The following DGKE variants were observed in gnomAD, a reference collection of about 807,000 sequenced individuals.
The protein encoded by DGKE is DAG kinase epsilon.
Under a neutral mutation model 70.0 loss-of-function variants are expected in DGKE, and 53 were observed. The observed-to-expected ratio is 0.76, with a 90% CI of 0.61 to 0.95. DGKE has a LOEUF of 0.95. Among genes scored for constraint, DGKE ranks in the 40% least tolerant of loss-of-function variants. The pLI, the probability that DGKE is intolerant of heterozygous loss-of-function variation, is 0.00. For missense variants in DGKE, 655 were observed against 706.9 expected, an observed-to-expected ratio of 0.93 and a Z score of 0.83; for synonymous variants, 291 against 257.0, an observed-to-expected ratio of 1.13 and a Z score of -1.27.
Position 56,858,621 on chromosome 17 carries a change from G to A in DGKE, c.1240G>A (p.Asp414Asn), listed in dbSNP as rs1908096467. 2.5e-6 allele frequency: 4 copies of A among 1,607,282 alleles called. No individual in the cohort carries two copies. Among genetic ancestry groups the A allele is most frequent in the Non-Finnish European group, 2.5e-6 (3 of 1,177,556 alleles). ...GGTTTACTTATTCTATGGAACCAAA[G>A]ATTGTTTAGTGCAAGAATGTAAAGA... Reference protein sequence around the residue: ...KAVYLFYGTKDCLVQECKDLN... With the variant: ...KAVYLFYGTKNCLVQECKDLN... The change falls in exon 9 of 12, where the codon GAT becomes AAT. Residue 414 changes from aspartate (D) to asparagine (N), a missense_variant. Coordinates refer to ENST00000284061, the MANE Select transcript of DGKE (RefSeq NM_003647.3).
At chr17:56,858,460 A>G (rs907814434) in intron 8 of DGKE, 134 bp from the exon 9 acceptor site, 3 of 648,402 alleles carry the variant, frequency 4.6e-6, no homozygotes, top group Admixed American at 4.0e-5. Context: ...CCTTCTTTTC[A>G]TCAGCATCTA....
chr17:56,860,640 G>A (rs1401824698), intron 9 of DGKE, among the ~76,000 whole-genome samples: 1 of 152,224 alleles, frequency 6.6e-6, no homozygotes, highest in African/African-American at 2.4e-5. Flanking sequence ...TAACCTAGGA[G>A]CTACAGAGAC....
In DGKE at chr17:56,844,028, G is replaced by T; in HGVS notation, c.474G>T (p.Trp158Cys). 6.5e-7 allele frequency: 1 copy of T among 1,536,162 alleles called. No homozygotes were observed. Among genetic ancestry groups the T allele is most frequent in the South Asian group, 1.3e-5 (1 of 78,180 alleles). The change falls in exon 3 of 12, where the codon TGG (tryptophan) becomes TGT (cysteine). Residue 158 changes from tryptophan to cysteine, a missense_variant. Coordinates refer to ENST00000284061, the MANE Select transcript of DGKE (RefSeq NM_003647.3). ...TTCTTCCTTCCCTCAGGTGCATTTG[G>T]TGCCAGAAAACAGTACATGATGAGT... ...QPKLCDYRCI[W>C]CQKTVHDECM...
intron 9 of DGKE, among the ~76,000 whole-genome samples, chr17:56,859,802 A>G (rs1908184522): frequency 6.6e-6 from 1 of 152,228 alleles, no homozygotes; most frequent in Non-Finnish European, 1.5e-5. Context: ...ACATTAATTC[A>G]GAGAAACCTA....
At chr17:56,837,112 C>T (rs538856386) in intron 2 of DGKE, among the ~76,000 whole-genome samples, 1 of 152,290 alleles carries the variant, frequency 6.6e-6, no homozygotes, top group South Asian at 2.1e-4. Flanking sequence ...AATGCAAATT[C>T]TAGGGTTGCT....
intron 2 of DGKE, 177 bp downstream of exon 2, chr17:56,835,436 T>A (rs1906551075): frequency 1.5e-6 from 1 of 677,638 alleles, no homozygotes; most frequent in Admixed American, 3.2e-5. Flanking sequence ...CAGTAGTCAT[T>A]TGCTGAGACG....
In DGKE at chr17:56,835,188, C is replaced by G; in HGVS notation, c.393C>G (p.Asn131Lys). Residue 131 changes from asparagine (N) to lysine (K), a missense_variant, in exon 2 of 12, where the codon AAC (asparagine) becomes AAG (lysine). Asn to Lys is a moderately conservative substitution (Grantham distance 94). Transcript: ENST00000284061. ...DAMPHHWIRG[N>K]VPLCSYCMVC... Reference sequence around the variant, plus strand: ...TGCCCCACCACTGGATCCGGGGCAACGTGCCCCTGTGCAGTTACTGTATGG... The same window carrying G: ...TGCCCCACCACTGGATCCGGGGCAAGGTGCCCCTGTGCAGTTACTGTATGG... 2.5e-6 allele frequency: 4 copies of G among 1,614,020 alleles called. No individual in the cohort carries two copies. The highest frequency in any genetic ancestry group is 3.4e-6 in the Non-Finnish European group (4 of 1,180,028).
chr17:56,852,808 G>A lies in DGKE; in HGVS notation c.1098+3576G>A, dbSNP rs569470167. Among the ~76,000 whole-genome samples the A allele has an allele frequency of 2.0e-5, 3 of 152,324 alleles. No homozygotes were observed. In the South Asian group the frequency reaches 6.2e-4, roughly 32 times the overall value. On this transcript the variant is annotated intron_variant, in intron 7 of 11. Transcript: ENST00000284061. ...TGGTTTTCATTTGCAATTCTCTGAT[G>A]ATTAGAAATGTTGAGCATTTTTTCA... is the stretch of plus-strand genomic sequence containing the variant.
chr17:56,853,511 T>C (rs1907769642), intron 7 of DGKE, among the ~76,000 whole-genome samples: 1 of 152,248 alleles, frequency 6.6e-6, no homozygotes, highest in African/African-American at 2.4e-5. Flanking sequence ...TTCATTGTTC[T>C]GCATGTGGAT....
chr17:56,848,941 A>G lies in DGKE; in HGVS notation c.1046+88A>G, dbSNP rs1025414246. ...AAGACTTGTGTAGATGAAATGTGCC[A>G]TGTAATTTAAATGTGAAAGACTATA... On this transcript the variant is annotated intron_variant, in intron 6 of 11. Transcript: ENST00000284061. 9 of 1,556,796 alleles carry G rather than the reference A, an allele frequency of 5.8e-6. No individual in the cohort carries two copies. The South Asian group carries it at 9.3e-5, about 16-fold the overall frequency.
chr17:56,851,415 T>G (rs1907642207), intron 7 of DGKE, among the ~76,000 whole-genome samples: 1 of 152,210 alleles, frequency 6.6e-6, no homozygotes, highest in Non-Finnish European at 1.5e-5. Flanking sequence ...TCCACTCAAC[T>G]TCAAGAATAG....
Position 56,862,135 on chromosome 17 carries a change from T to G in DGKE, c.1413-5T>G, listed in dbSNP as rs758273287. ...ATAATCCATATTTTCTTTTTCCAAT[T>G]TTAGGCATGACGATGGTCTGCTGGA... is the stretch of plus-strand genomic sequence containing the variant. On this transcript the variant is annotated splice_region_variant and splice_polypyrimidine_tract_variant and intron_variant, in intron 10 of 11. Coordinates refer to ENST00000284061, the MANE Select transcript of DGKE (RefSeq NM_003647.3). 6.2e-7 allele frequency: 1 copy of G among 1,613,888 alleles called. No homozygotes were observed. The highest frequency in any genetic ancestry group is 1.7e-5 in the Admixed American group (1 of 60,010).
chr17:56,860,071 A>G lies in DGKE; in HGVS notation c.1284+1406A>G, dbSNP rs143369784. ...AAGCATACAAGCATATAAAATAAAG[A>G]CTTTTATTTTATTGTCTGACATTTT... On this transcript the variant is annotated intron_variant, in intron 9 of 11. Transcript: ENST00000284061. 4.9e-3 allele frequency among the ~76,000 whole-genome samples: 743 copies of G among 152,256 alleles called. 4 individuals are homozygous for G. Among genetic ancestry groups the G allele is most frequent in the African/African-American group, 0.017 (705 of 41,560 alleles).
intron 6 of DGKE, 145 bp from the exon 7 acceptor site, chr17:56,849,035 GA>G: frequency 3.5e-6 from 4 of 1,140,982 alleles, no homozygotes; most frequent in Non-Finnish European, 4.9e-6. Flanking sequence ...AAGTTACACT[GA>G]GTACTTATCC....
In DGKE at chr17:56,866,025, C is replaced by T. The variant is rs762691793; in HGVS notation, c.*3234C>T. ...TGATAATTTTTTTAATATTTCTACC[C>T]AGTTGAGGACAGTGGAATATAAGTA... is the stretch of plus-strand genomic sequence containing the variant. On this transcript the variant is annotated 3_prime_UTR_variant, in exon 12 of 12. Transcript: ENST00000284061. 7.2e-5 allele frequency: 11 copies of T among 151,948 alleles called. No homozygotes were observed. Among genetic ancestry groups the T allele is most frequent in the African/African-American group, 1.5e-4 (6 of 41,350 alleles). The allele number at this position is 151,948 out of a possible 1,614,324, so 9.4% of individuals were successfully genotyped here. A position where few individuals can be genotyped will look rare whatever the true frequency, so the allele number is the denominator to read the frequency against.
At position 56,858,089 on chromosome 17, in the gene DGKE, A is replaced by G. The variant is rs866961324; in HGVS notation, c.1213-505A>G. 6.1e-3 allele frequency among the ~76,000 whole-genome samples: 914 copies of G among 150,540 alleles called. 14 individuals are homozygous for G. Among genetic ancestry groups the G allele is most frequent in the African/African-American group, 0.021 (872 of 40,968 alleles). On this transcript the variant is annotated intron_variant, in intron 8 of 11. Coordinates refer to ENST00000284061, the MANE Select transcript of DGKE (RefSeq NM_003647.3). ...TCCATCTCAAAAAAAAAAAAAAAAA[A>G]GAAAAAGAAAAAATCACTTCTATCC... is the stretch of plus-strand genomic sequence containing the variant.
chr17:56,851,157 A>G (rs1445655352), intron 7 of DGKE, among the ~76,000 whole-genome samples: 2 of 152,138 alleles, frequency 1.3e-5, no homozygotes, highest in Non-Finnish European at 2.9e-5. Context: ...AGAGAGCAGT[A>G]GTATAGAGTC....
intron 2 of DGKE, among the ~76,000 whole-genome samples, chr17:56,837,060 C>T (rs905411025): frequency 6.6e-6 from 1 of 152,142 alleles, no homozygotes; most frequent in Non-Finnish European, 1.5e-5. Flanking sequence ...AAAGTAAGGT[C>T]CCTAGACCAG....
At chr17:56,856,408 C>T in intron 7 of DGKE, 104 bp from the exon 8 acceptor site, 1 of 1,240,890 alleles carries the variant, frequency 8.1e-7, no homozygotes, top group South Asian at 1.6e-5. Context: ...ATGCAGAAAG[C>T]ATCTCCATTG....
Sources: gnomAD v4.1 joint callset for allele counts (sites outside exome capture counted in the v4.1 genomes callset) on GRCh38, gnomAD v4.1.1 for gene constraint, MANE v1.5 for transcripts, NCBI Gene and HGNC (gene_info 2026-07-23, HGNC 2026-07-21) for gene names.